TENM3: variants seen among roughly 807,000 people sequenced by gnomAD.
TENM3 encodes teneurin-3.
A neutral mutation model predicts 255.1 loss-of-function variants in TENM3; 63 were observed. The observed-to-expected ratio is 0.25, with a 90% CI of 0.20 to 0.30. TENM3 has a LOEUF of 0.30. Among genes scored for constraint, TENM3 ranks in the 10% least tolerant of loss-of-function variants. The pLI is 1.00. For synonymous variants in TENM3, 1,306 were observed against 1,322.3 expected, an observed-to-expected ratio of 0.99 and a Z score of 0.27; for missense variants, 2,929 against 3,461.1, an observed-to-expected ratio of 0.85 and a Z score of 3.86.
At chr4:182,046,626 A>G in the TENM3 span, among the ~76,000 whole-genome samples, 16,023 of 151,862 alleles carry the variant, frequency 0.11, 919 homozygotes, top group East Asian at 0.15. Context: ...GATACTCGAG[A>G]GGCTGAGGCA....
intron 3 of TENM3, among the ~76,000 whole-genome samples, chr4:182,503,759 A>G (rs943950302): frequency 1.3e-5 from 2 of 152,140 alleles, no homozygotes; most frequent in African/African-American, 4.8e-5. Flanking sequence ...TCCATAGGTC[A>G]AGACAAATTG....
the TENM3 span, among the ~76,000 whole-genome samples, chr4:181,941,311 G>GAT: frequency 8.4e-6 from 1 of 119,592 alleles, no homozygotes; most frequent in East Asian, 2.4e-4. Context: ...TTTGTTTGAT[G>GAT]TTTTTTTTTT....
the TENM3 span, among the ~76,000 whole-genome samples, chr4:181,898,539 G>A: frequency 6.6e-6 from 1 of 151,972 alleles, no homozygotes; most frequent in Admixed American, 6.6e-5. Context: ...ATATTCTCTG[G>A]TCCCACTGAA....
At chr4:182,512,913 G>A (rs570257342) in intron 3 of TENM3, among the ~76,000 whole-genome samples, 15 of 152,114 alleles carry the variant, frequency 9.9e-5, no homozygotes, top group Non-Finnish European at 1.6e-4. Flanking sequence ...GTCTATACTG[G>A]TACTGTTTTA....
chr4:181,777,814 G>T, the TENM3 span, among the ~76,000 whole-genome samples: 7 of 152,058 alleles, frequency 4.6e-5, no homozygotes, highest in Non-Finnish European at 1.0e-4. Context: ...ATTCACGACA[G>T]TTGCCCCATT....
chr4:181,884,118 A>C, the TENM3 span, among the ~76,000 whole-genome samples: 1 of 152,130 alleles, frequency 6.6e-6, no homozygotes, highest in East Asian at 1.9e-4. Flanking sequence ...GCATACTGAT[A>C]AGTTTATCTG....
the TENM3 span, among the ~76,000 whole-genome samples, chr4:181,785,989 G>A: frequency 6.6e-6 from 1 of 152,144 alleles, no homozygotes; most frequent in East Asian, 1.9e-4. Flanking sequence ...TGCCATGAAA[G>A]ATATGAAGTG....
intron 1 of TENM3, among the ~76,000 whole-genome samples, chr4:182,151,157 T>C (rs1320648037): frequency 6.6e-6 from 1 of 152,082 alleles, no homozygotes; most frequent in Non-Finnish European, 1.5e-5. Context: ...ACTGGGATGG[T>C]ATCTTAGGAG....
intron 3 of TENM3, among the ~76,000 whole-genome samples, chr4:182,357,663 G>A (rs1331347459): frequency 6.6e-6 from 1 of 150,686 alleles, no homozygotes; most frequent in African/African-American, 2.4e-5. Context: ...CCCATTTTGT[G>A]GGTTGCCTGT....
intron 5 of TENM3, among the ~76,000 whole-genome samples, chr4:182,633,217 C>A (rs1179340751): frequency 6.6e-6 from 1 of 152,178 alleles, no homozygotes; most frequent in Non-Finnish European, 1.5e-5. Flanking sequence ...CAGGAATGAG[C>A]CACCACTGTG....
chr4:181,667,748 C>A, the TENM3 span, among the ~76,000 whole-genome samples: 8,399 of 152,194 alleles, frequency 0.055, 381 homozygotes, highest in African/African-American at 0.12. Context: ...ATCACCCAGT[C>A]TTAGGTACTT....
chr4:182,397,902 G>A (rs530866586), intron 3 of TENM3, among the ~76,000 whole-genome samples: 1 of 152,128 alleles, frequency 6.6e-6, no homozygotes, highest in Non-Finnish European at 1.5e-5. Context: ...GGTCAATAAC[G>A]ATCAAGTGGC....
chr4:182,676,403 A>T (rs777696856), intron 7 of TENM3, among the ~76,000 whole-genome samples: 3 of 152,096 alleles, frequency 2.0e-5, no homozygotes, highest in Non-Finnish European at 4.4e-5. Flanking sequence ...CCACCTTTTC[A>T]CTGTGTGACC....
intron 3 of TENM3, among the ~76,000 whole-genome samples, chr4:182,517,030 G>A (rs935838395): frequency 6.6e-6 from 1 of 151,936 alleles, no homozygotes. Flanking sequence ...GGAATTTCAA[G>A]GCAGGTAATT....
intron 3 of TENM3, chr4:182,448,965 C>G: frequency 2.5e-6 from 1 of 395,294 alleles, no homozygotes; most frequent in Non-Finnish European, 5.1e-6. Flanking sequence ...CATGTCTGGC[C>G]GCCGCGCGCA....
chr4:182,517,054 A>C (rs1445734921), intron 3 of TENM3, among the ~76,000 whole-genome samples: 2 of 152,190 alleles, frequency 1.3e-5, no homozygotes, highest in Non-Finnish European at 2.9e-5. Context: ...ATTGGATTAT[A>C]AAATATGAGA....
the TENM3 span, among the ~76,000 whole-genome samples, chr4:182,013,473 C>A: frequency 6.6e-6 from 1 of 152,194 alleles, no homozygotes; most frequent in Non-Finnish European, 1.5e-5. Context: ...TACTTTAGAA[C>A]CACTGAACAC....
chr4:182,448,420 C>G (rs1042421777), intron 3 of TENM3, among the ~76,000 whole-genome samples: 1 of 152,108 alleles, frequency 6.6e-6, no homozygotes, highest in Non-Finnish European at 1.5e-5. Context: ...TGGCAGGCAG[C>G]GCGTCCCGCG....
At chr4:182,433,143 A>G (rs1479282584) in intron 3 of TENM3, among the ~76,000 whole-genome samples, 1 of 152,178 alleles carries the variant, frequency 6.6e-6, no homozygotes, top group African/African-American at 2.4e-5. Flanking sequence ...GATGGAAAAT[A>G]TTTTGAATCT....
Sources: gnomAD v4.1 joint callset for allele counts (sites outside exome capture counted in the v4.1 genomes callset) on GRCh38, gnomAD v4.1.1 for gene constraint, MANE v1.5 for transcripts, NCBI Gene and HGNC (gene_info 2026-07-23, HGNC 2026-07-21) for gene names.